SPG7: variants seen among roughly 807,000 people sequenced by gnomAD.
SPG7 encodes mitochondrial inner membrane m-AAA protease component paraplegin.
Under a neutral mutation model 81.9 loss-of-function variants are expected in SPG7, and 103 were observed. The ratio of observed to expected loss-of-function variants is 1.26; its 90% CI spans 1.07 to 1.48. The LOEUF (loss-of-function observed/expected upper bound fraction) is 1.48, where lower values mean the gene tolerates loss of function less well. Among genes scored for constraint, SPG7 ranks in the 40% most tolerant of loss-of-function variants. The pLI is 0.00. For missense variants in SPG7, 1,241 were observed against 1,087.3 expected, an observed-to-expected ratio of 1.14 and a Z score of -1.99; for synonymous variants, 534 against 444.2, an observed-to-expected ratio of 1.20 and a Z score of -2.54.
Position 89,532,614 on chromosome 16 carries a change from C to A in SPG7, c.1302C>A (p.Asn434Lys). The part of the protein sequence containing the change: ...FSNTEEEQTL[N>K]QLLVEMDGMG... ...ACACGGAGGAGGAGCAGACGCTCAA[C>A]CAGCTTCTGGTAGAAATGGATGGTC... is the stretch of plus-strand genomic sequence containing the variant. The change falls in exon 9 of 17, where the codon AAC becomes AAA. Residue 434 changes from asparagine (N) to lysine (K), a missense_variant. Transcript: ENST00000645818. 6.2e-7 allele frequency: 1 copy of A among 1,613,704 alleles called. No homozygotes were observed. The highest frequency in any genetic ancestry group is 8.5e-7 in the Non-Finnish European group (1 of 1,180,050).
intron 3 of SPG7, chr16:89,519,147 C>G (rs575593232): frequency 1.3e-5 from 2 of 151,780 alleles, no homozygotes; most frequent in Admixed American, 6.6e-5. Flanking sequence ...CCACACCCAG[C>G]TAATTTTGTT....
At position 89,530,597 on chromosome 16, in the gene SPG7, G is replaced by T. The variant is rs1450836305; in HGVS notation, c.862-86G>T. On this transcript the variant is annotated intron_variant, in intron 6 of 16. Coordinates refer to ENST00000645818, the MANE Select transcript of SPG7 (RefSeq NM_003119.4). ...AGGATGGAGACGTGGGGTTGGGGCG[G>T]CTCAGGTGCGTGGGCTGAGCGCTGG... The T allele has an allele frequency of 7.2e-6, 11 of 1,537,378 alleles. No individual in the cohort carries two copies. In the East Asian group the frequency reaches 2.5e-4, roughly 35 times the overall value.
intron 9 of SPG7, chr16:89,537,015 GC>G: frequency 6.2e-7 from 1 of 1,611,154 alleles, no homozygotes. Context: ...AGCTGCTTCC[GC>G]CCCCGGATTT....
intron 15 of SPG7, 94 bp downstream of exon 15, chr16:89,554,054 C>A: frequency 7.3e-7 from 1 of 1,366,062 alleles, no homozygotes; most frequent in Non-Finnish European, 1.0e-6. Flanking sequence ...GCCGCCCCAG[C>A]GGAGCTCAGC....
chr16:89,552,993 TC>T lies in SPG7; in HGVS notation c.1795del (p.Arg599GlyfsTer53). 1 of 1,613,884 alleles carries T rather than the reference TC, an allele frequency of 6.2e-7. No homozygotes were observed. The highest frequency in any genetic ancestry group is 8.5e-7 in the Non-Finnish European group (1 of 1,179,872). On this transcript the variant is annotated frameshift_variant, in exon 14 of 17. Coordinates refer to ENST00000645818, the MANE Select transcript of SPG7 (RefSeq NM_003119.4). LOFTEE classifies it high-confidence loss of function. Reference protein sequence around the residue: ...EAVMKVSITPRTNAALGFAQM... With the variant: ...EAVMKVSITPXTNAALGFAQM... Reference sequence around the variant, plus strand: ...CCTTGTGCCAGGTCTCCATAACCCCTCGGACAAACGCCGCCCTGGGCTTTGC... The same window carrying T: ...CCTTGTGCCAGGTCTCCATAACCCCTGGACAAACGCCGCCCTGGGCTTTGC...
In SPG7 at chr16:89,537,693, CTG is replaced by C. The variant is rs1172360034; in HGVS notation, c.1324+5060_1324+5061del. 5.1e-6 allele frequency: 5 copies of C among 981,812 alleles called. No individual in the cohort carries two copies. In the African/African-American group the frequency reaches 8.7e-5, roughly 17 times the overall value. 60.8% of individuals were successfully genotyped at this position (981,812 alleles called of 1,614,324 possible). On this transcript the variant is annotated intron_variant, in intron 9 of 16. Coordinates refer to ENST00000645818, the MANE Select transcript of SPG7 (RefSeq NM_003119.4). ...CCATGCCAGGCTCTGTTTTTTCAGTCTGTGAAAAATAAAGTCATCAGCATGTG... is the reference window on the plus strand; with the variant it reads ...CCATGCCAGGCTCTGTTTTTTCAGTCTGAAAAATAAAGTCATCAGCATGTG...
In SPG7 at chr16:89,536,498, GGTGA is replaced by G. The variant is rs1190509972; in HGVS notation, c.1324+3864_1324+3867del. Among the ~76,000 whole-genome samples, 644 of 140,154 alleles carry G rather than the reference GGTGA, an allele frequency of 4.6e-3. 23 individuals are homozygous for G. Among genetic ancestry groups the G allele is most frequent in the African/African-American group, 0.018 (602 of 32,708 alleles). The allele number at this position is 140,154 out of a possible 152,430, so 91.9% of individuals were successfully genotyped here. On this transcript the variant is annotated intron_variant, in intron 9 of 16. Coordinates refer to ENST00000645818, the MANE Select transcript of SPG7 (RefSeq NM_003119.4). The stretch of plus-strand genomic sequence containing the variant: ...GAGGCGGGTGAGGTCAGGTGAGGCA[GGTGA>G]GGTGAGGCGGGTGAGGTCAGGTGAG...
At chr16:89,546,804 G>A (rs776956373) in intron 11 of SPG7, 44 bp downstream of exon 11, 1 of 1,349,178 alleles carries the variant, frequency 7.4e-7, no homozygotes, top group Non-Finnish European at 1.1e-6. Flanking sequence ...CGTCCTGAGG[G>A]CAGGTGGTGT....
intron 13 of SPG7, chr16:89,552,445 G>A: frequency 6.0e-6 from 1 of 166,334 alleles, no homozygotes; most frequent in Admixed American, 5.7e-5. Context: ...CTCAGAAGCA[G>A]CAGCTGGGCC....
In SPG7 at chr16:89,510,498, A is replaced by G. The variant is rs148296627; in HGVS notation, c.192A>G (p.Gln64=). The change falls in exon 2 of 17, where the codon CAA becomes CAG. Residue 64 remains glutamine (Q), a synonymous_variant. Transcript: ENST00000645818. Reference sequence around the variant, plus strand: ...TTTTTTTTTTTTTTCAGAGCTTACAATTGAGACTGCTAACCCCTACCTTTG... The same window carrying G: ...TTTTTTTTTTTTTTCAGAGCTTACAGTTGAGACTGCTAACCCCTACCTTTG... The part of the protein sequence containing the change: ...EAGGRALQSL[Q]LRLLTPTFEG... The G allele has an allele frequency of 8.2e-6, 13 of 1,593,102 alleles. No individual in the cohort carries two copies. In the African/African-American group the frequency reaches 1.1e-4, roughly 13 times the overall value.
chr16:89,555,207 A>G (rs576501455), intron 16 of SPG7: 11 of 152,520 alleles, frequency 7.2e-5, no homozygotes, highest in Admixed American at 6.5e-4. Flanking sequence ...CAGCCTCCCA[A>G]GTGTCTGGGA....
rs529995267 is a variant in SPG7 at position 89,532,856 on chromosome 16, G to A, written c.1324+220G>A. ...CCCAGCACTTTGGGAGGCCAAGACA[G>A]GCGGATCACCAGAGGTCAGGATTTC... On this transcript the variant is annotated intron_variant, in intron 9 of 16. Transcript: ENST00000645818. The A allele has an allele frequency of 2.0e-4, 112 of 568,216 alleles. 1 individual carries two copies. In the South Asian group the frequency reaches 2.1e-3, roughly 11 times the overall value. The allele number at this position is 568,216 out of a possible 1,614,324, so 35.2% of individuals were successfully genotyped here.
intron 4 of SPG7, among the ~76,000 whole-genome samples, chr16:89,525,110 C>T (rs1026426376): frequency 2.0e-5 from 3 of 151,920 alleles, no homozygotes; most frequent in Non-Finnish European, 4.4e-5. Context: ...CAGGCGCGCA[C>T]CACCACACTT....
chr16:89,537,052 G>T, intron 9 of SPG7: 1 of 1,592,142 alleles, frequency 6.3e-7, no homozygotes. Flanking sequence ...TCCGCTGACT[G>T]AAGGCCTCTT....
At position 89,544,949 on chromosome 16, in the gene SPG7, C is replaced by CAT. The variant is rs1011623615; in HGVS notation, c.1449+177_1449+178insAT. The CAT allele has an allele frequency of 6.9e-6, 5 of 722,328 alleles. No individual in the cohort carries two copies. The African/African-American group carries it at 7.0e-5, about 10-fold the overall frequency. 44.7% of individuals were successfully genotyped at this position (722,328 alleles called of 1,614,324 possible). On this transcript the variant is annotated intron_variant, in intron 10 of 16. Coordinates refer to ENST00000645818, the MANE Select transcript of SPG7 (RefSeq NM_003119.4). ...TGCACGCCCCCAGCAGACCTGCCCA[C>CAT]CGGCTGCACTCACTGCTGTGGCCCC... is the stretch of plus-strand genomic sequence containing the variant.
chr16:89,524,243 G>A lies in SPG7; in HGVS notation c.614G>A (p.Arg205Gln), dbSNP rs760639086. 30 of 1,609,928 alleles carry A rather than the reference G, an allele frequency of 1.9e-5. No individual in the cohort carries two copies. In the South Asian group the frequency reaches 2.2e-4, roughly 12 times the overall value. ...YLHPGAVVFG[R>Q]PRLALMYRMQ... is the part of the protein sequence containing the mutation. ...CACCCTGGAGCCGTGGTGTTTGGGC[G>A]GCCTGTGAGTGAGGGTGCGGGAGGC... is the stretch of plus-strand genomic sequence containing the variant. The change falls in exon 4 of 17, where the codon CGG (arginine) becomes CAG (glutamine). Residue 205 changes from arginine to glutamine, a missense_variant. By Grantham distance (43) the Arg-to-Gln change is conservative. Coordinates refer to ENST00000645818, the MANE Select transcript of SPG7 (RefSeq NM_003119.4).
intron 1 of SPG7, 57 bp from the exon 2 acceptor site, chr16:89,510,433 C>A: frequency 9.2e-7 from 1 of 1,089,966 alleles, no homozygotes; most frequent in Non-Finnish European, 1.4e-6. Context: ...GTCTGCATTG[C>A]TTTGGTACTC....
At chr16:89,530,557 A>C (rs373074654) in intron 6 of SPG7, 126 bp from the exon 7 acceptor site, 2 of 1,044,792 alleles carry the variant, frequency 1.9e-6, no homozygotes, top group African/African-American at 1.6e-5. Flanking sequence ...GACATGAGTG[A>C]AGCCTTGGGA....
intron 6 of SPG7, chr16:89,530,090 C>G (rs2058320510): frequency 3.7e-6 from 1 of 271,364 alleles, no homozygotes; most frequent in Non-Finnish European, 7.1e-6. Context: ...CCTCCCGCCT[C>G]AGCCTCCCAA....
Sources: gnomAD v4.1 joint callset for allele counts (sites outside exome capture counted in the v4.1 genomes callset) on GRCh38, gnomAD v4.1.1 for gene constraint, MANE v1.5 for transcripts, NCBI Gene and HGNC (gene_info 2026-07-23, HGNC 2026-07-21) for gene names.